The following RAPGEF4 variants were observed in gnomAD, a reference collection of about 807,000 sequenced individuals.
RAPGEF4 encodes Rap guanine nucleotide exchange factor 4.
A neutral mutation model predicts 147.9 loss-of-function variants in RAPGEF4; 66 were observed. The ratio of observed to expected loss-of-function variants is 0.45; its 90% CI spans 0.37 to 0.55. The LOEUF is 0.55. Ranked by LOEUF, RAPGEF4 falls within the 20% of genes least tolerant of loss-of-function variation. The pLI, the probability that RAPGEF4 is intolerant of heterozygous loss-of-function variation, is 0.00. For missense variants in RAPGEF4, 1,071 were observed against 1,257.3 expected, an observed-to-expected ratio of 0.85 and a Z score of 2.24; for synonymous variants, 419 against 442.7, an observed-to-expected ratio of 0.95 and a Z score of 0.67.
intron 4 of RAPGEF4, among the ~76,000 whole-genome samples, chr2:172,852,241 T>C (rs1252191936): frequency 1.3e-5 from 2 of 152,206 alleles, no homozygotes; most frequent in Non-Finnish European, 2.9e-5. Context: ...CTAGTGTTAC[T>C]TTCCCTGAAC....
At chr2:173,025,279 C>T (rs1361656173) in intron 23 of RAPGEF4, among the ~76,000 whole-genome samples, 1 of 152,120 alleles carries the variant, frequency 6.6e-6, no homozygotes, top group African/African-American at 2.4e-5. Context: ...ATGCAAGCAC[C>T]GTCTACCTGC....
intron 26 of RAPGEF4, among the ~76,000 whole-genome samples, chr2:173,031,643 C>G (rs2105980009): frequency 6.6e-6 from 1 of 152,216 alleles, no homozygotes; most frequent in South Asian, 2.1e-4. Flanking sequence ...ACCCTCTTTC[C>G]CAGTCTAAAT....
At chr2:172,996,236 T>C (rs1271147188) in intron 15 of RAPGEF4, among the ~76,000 whole-genome samples, 1 of 152,164 alleles carries the variant, frequency 6.6e-6, no homozygotes, top group Non-Finnish European at 1.5e-5. Context: ...TATTTCCATA[T>C]AGGGAAAAAA....
chr2:173,035,500 G>A (rs1170971651), intron 27 of RAPGEF4, among the ~76,000 whole-genome samples: 1 of 145,326 alleles, frequency 6.9e-6, no homozygotes, highest in Non-Finnish European at 1.5e-5. Flanking sequence ...GACAGAGTGA[G>A]ACTCTGTCTC....
At chr2:173,023,923 T>A (rs1036154369) in intron 23 of RAPGEF4, among the ~76,000 whole-genome samples, 7 of 152,230 alleles carry the variant, frequency 4.6e-5, no homozygotes, top group Non-Finnish European at 8.8e-5. Flanking sequence ...CAAGGCCAGT[T>A]TGATCCTCTG....
At chr2:172,786,157 G>A (rs998638079) in intron 1 of RAPGEF4, among the ~76,000 whole-genome samples, 5 of 152,138 alleles carry the variant, frequency 3.3e-5, no homozygotes, top group African/African-American at 1.2e-4. Flanking sequence ...GAGCACAGCA[G>A]ATGTCCACAT....
intron 1 of RAPGEF4, among the ~76,000 whole-genome samples, chr2:172,780,560 T>C (rs892839437): frequency 3.3e-5 from 5 of 152,206 alleles, no homozygotes; most frequent in Non-Finnish European, 7.3e-5. Context: ...TTTAGGCAAA[T>C]AGCGGGAGGG....
intron 4 of RAPGEF4, among the ~76,000 whole-genome samples, chr2:172,857,430 A>C (rs1227488759): frequency 6.6e-6 from 1 of 152,238 alleles, no homozygotes; most frequent in East Asian, 1.9e-4. Context: ...TACTCAGTGG[A>C]TACTTCATAT....
intron 4 of RAPGEF4, among the ~76,000 whole-genome samples, chr2:172,856,686 TC>T (rs1209393611): frequency 1.3e-5 from 2 of 152,218 alleles, no homozygotes; most frequent in Admixed American, 1.3e-4. Flanking sequence ...GGAGTCTGCT[TC>T]ACATATGTAT....
At chr2:172,848,200 C>T (rs571450537) in intron 4 of RAPGEF4, among the ~76,000 whole-genome samples, 8 of 152,216 alleles carry the variant, frequency 5.3e-5, no homozygotes, top group South Asian at 4.2e-4. Flanking sequence ...TAAACTCACG[C>T]GCAGGGCACT....
At chr2:172,760,328 T>TTAAGCAAAGAATAGAAAGCC (rs1696184394) in intron 1 of RAPGEF4, among the ~76,000 whole-genome samples, 1 of 152,146 alleles carries the variant, frequency 6.6e-6, no homozygotes, top group African/African-American at 2.4e-5. Flanking sequence ...AACAGAATGT[T>TTAAGCAAAGAATAGAAAGCC]TAAGCAAAGA....
At chr2:172,778,489 A>G (rs760210339) in intron 1 of RAPGEF4, among the ~76,000 whole-genome samples, 2 of 152,216 alleles carry the variant, frequency 1.3e-5, no homozygotes, top group African/African-American at 2.4e-5. Context: ...ATTGTGGGGC[A>G]GGAGAGATTA....
chr2:172,752,638 G>A (rs1224402453), intron 1 of RAPGEF4, among the ~76,000 whole-genome samples: 1 of 152,118 alleles, frequency 6.6e-6, no homozygotes, highest in East Asian at 1.9e-4. Context: ...CCTAGATTAG[G>A]TGTCCTTGTT....
At chr2:172,916,646 G>A (rs1051883098) in intron 4 of RAPGEF4, among the ~76,000 whole-genome samples, 2 of 152,214 alleles carry the variant, frequency 1.3e-5, no homozygotes, top group African/African-American at 2.4e-5. Context: ...GCATGCAGGT[G>A]TTGGTATAGT....
intron 4 of RAPGEF4, among the ~76,000 whole-genome samples, chr2:172,899,871 T>A (rs758825454): frequency 4.6e-5 from 7 of 152,046 alleles, no homozygotes; most frequent in South Asian, 4.2e-4. Flanking sequence ...AGGGCCGAGC[T>A]CCATCCCAGC....
chr2:172,869,520 G>T (rs1694988731), intron 4 of RAPGEF4, among the ~76,000 whole-genome samples: 2 of 152,120 alleles, frequency 1.3e-5, no homozygotes, highest in Admixed American at 1.3e-4. Context: ...ATGGAAAATT[G>T]TTTTCTAATA....
intron 1 of RAPGEF4, among the ~76,000 whole-genome samples, chr2:172,780,308 G>C (rs563641373): frequency 2.0e-5 from 3 of 152,310 alleles, no homozygotes; most frequent in Non-Finnish European, 4.4e-5. Flanking sequence ...TTTTAGAGAA[G>C]GATAATACAT....
intron 5 of RAPGEF4, among the ~76,000 whole-genome samples, chr2:172,918,959 A>G (rs1194086049): frequency 6.6e-6 from 1 of 151,710 alleles, no homozygotes; most frequent in Admixed American, 6.6e-5. Context: ...GAACATCCTC[A>G]TTTTCCTCCC....
At chr2:172,899,853 C>T (rs3769269) in intron 4 of RAPGEF4, among the ~76,000 whole-genome samples, 31,211 of 152,040 alleles carry the variant, frequency 0.21, 3,801 homozygotes, top group Middle Eastern at 0.29. Flanking sequence ...AGGCTGTGGA[C>T]CGCATGTAGG....
Sources: allele counts gnomAD v4.1 joint callset (sites outside exome capture counted in the v4.1 genomes callset), GRCh38; gene constraint gnomAD v4.1.1; transcripts MANE v1.5; gene names NCBI Gene and HGNC (gene_info 2026-07-23, HGNC 2026-07-21).